The following TPCN2 variants were observed in gnomAD, a reference collection of about 807,000 sequenced individuals.
The protein encoded by TPCN2 is two pore segment channel 2.
Under a neutral mutation model 111.4 loss-of-function variants are expected in TPCN2, and 92 were observed. That is an observed-to-expected ratio of 0.83 (90% CI 0.70 to 0.98). TPCN2 has a LOEUF of 0.98. Ranked by LOEUF, TPCN2 falls within the 50% of genes least tolerant of loss-of-function variation. The probability of loss-of-function intolerance (pLI) is 0.00; values close to 1 mark genes in which losing one functional copy is unlikely to be tolerated. For missense variants in TPCN2, 995 were observed against 980.1 expected (o/e 1.02, Z -0.20); for synonymous variants, 405 against 414.5 (o/e 0.98, Z 0.28).
Position 69,089,450 on chromosome 11 carries a change from C to G in TPCN2, c.*1497C>G, listed in dbSNP as rs1856379625. The G allele has an allele frequency of 6.6e-6, 1 of 152,236 alleles. No individual in the cohort carries two copies. The highest frequency in any genetic ancestry group is 2.1e-4 in the South Asian group (1 of 4,826). The allele number at this position is 152,236 out of a possible 1,614,324, so 9.4% of individuals were successfully genotyped here. On this transcript the variant is annotated 3_prime_UTR_variant, in exon 25 of 25. Transcript: ENST00000294309. ...TTTGTGGTCATGGCGACTTAATCCG[C>G]CTGGACGGTGGCTCCGTCTCCCTGG...
At chr11:69,074,730 A>G (rs1855681271) in intron 13 of TPCN2, among the ~76,000 whole-genome samples, 1 of 152,204 alleles carries the variant, frequency 6.6e-6, no homozygotes, top group South Asian at 2.1e-4. Context: ...TAGCTGTGTA[A>G]CTGAGAGATA....
At chr11:69,078,269 T>A (rs1222389557) in intron 13 of TPCN2, among the ~76,000 whole-genome samples, 1 of 152,164 alleles carries the variant, frequency 6.6e-6, no homozygotes, top group Non-Finnish European at 1.5e-5. Flanking sequence ...GTTGCTTCTA[T>A]TTCTCTTTGG....
At position 69,054,108 on chromosome 11, in the gene TPCN2, C is replaced by G; in HGVS notation, c.174+11C>G. The G allele has an allele frequency of 1.2e-6, 2 of 1,611,824 alleles. No homozygotes were observed. Among genetic ancestry groups the G allele is most frequent in the Admixed American group, 1.7e-5 (1 of 59,996 alleles). On this transcript the variant is annotated intron_variant, in intron 2 of 24. Transcript: ENST00000294309. ...GAAGATGCTATTCAGGTCGGTGGCA[C>G]CTGCTCCCTGTGGCCGGGCCTGGGG...
Position 69,087,941 on chromosome 11 carries a change from G to T in TPCN2, c.2247G>T (p.Trp749Cys). Reference sequence around the variant, plus strand: ...GGCTGAGCCAGCACCCGCACCTGTGGCTGTGCAGGTGACGTCCGGGCTGCC... The same window carrying T: ...GGCTGAGCCAGCACCCGCACCTGTGTCTGTGCAGGTGACGTCCGGGCTGCC... ...TERLSQHPHL[W>C]LCR The change falls in exon 25 of 25, where the codon TGG becomes TGT. Residue 749 changes from tryptophan to cysteine, a missense_variant. Coordinates refer to ENST00000294309, the MANE Select transcript of TPCN2 (RefSeq NM_139075.4). 1 of 1,609,872 alleles carries T rather than the reference G, an allele frequency of 6.2e-7. No individual in the cohort carries two copies. Among genetic ancestry groups the T allele is most frequent in the South Asian group, 1.1e-5 (1 of 90,376 alleles).
intron 1 of TPCN2, among the ~76,000 whole-genome samples, chr11:69,049,794 C>T (rs1254701932): frequency 6.6e-6 from 1 of 152,136 alleles, no homozygotes; most frequent in Non-Finnish European, 1.5e-5. Flanking sequence ...TTGCTGAATC[C>T]GCCCCCCGAG....
chr11:69,076,473 C>T (rs923052631), intron 13 of TPCN2, among the ~76,000 whole-genome samples: 7 of 152,042 alleles, frequency 4.6e-5, no homozygotes, highest in Non-Finnish European at 1.0e-4. Context: ...TCGGACAGAG[C>T]GTGTCCAGAT....
chr11:69,086,277 C>T (rs567112941), intron 22 of TPCN2, among the ~76,000 whole-genome samples: 1 of 152,318 alleles, frequency 6.6e-6, no homozygotes, highest in East Asian at 1.9e-4. Flanking sequence ...AGACTGGCCC[C>T]AGCTGATGGT....
chr11:69,062,815 T>C, intron 5 of TPCN2, 69 bp from the exon 6 acceptor site: 1 of 1,456,054 alleles, frequency 6.9e-7, no homozygotes, highest in East Asian at 2.3e-5. Flanking sequence ...CGTGTGCCCA[T>C]CTGGGATGGT....
chr11:69,049,049 G>A lies in TPCN2; in HGVS notation c.52G>A (p.Gly18Ser). The change falls in exon 1 of 25, where the codon GGT (glycine) becomes AGT (serine). Residue 18 changes from glycine to serine, a missense_variant. Coordinates refer to ENST00000294309, the MANE Select transcript of TPCN2 (RefSeq NM_139075.4). The stretch of plus-strand genomic sequence containing the variant: ...GCCCCTGCTGGGCGGGGCCCGCGGC[G>A]GTGGCGGCGACTGGCCGGCGGGGCT... ...SEPLLGGARG[G>S]GGDWPAGLTT... 9 of 1,242,360 alleles carry A rather than the reference G, an allele frequency of 7.2e-6. No homozygotes were observed. Among genetic ancestry groups the A allele is most frequent in the African/African-American group, 1.5e-5 (1 of 64,566 alleles). 77.0% of individuals were successfully genotyped at this position (1,242,360 alleles called of 1,614,324 possible). A position where few individuals can be genotyped will look rare whatever the true frequency, so the allele number is the denominator to read the frequency against.
Position 69,054,019 on chromosome 11 carries a change from C to T in TPCN2, c.110-14C>T. The T allele has an allele frequency of 6.2e-7, 1 of 1,612,590 alleles. No homozygotes were observed. Among genetic ancestry groups the T allele is most frequent in the Non-Finnish European group, 8.5e-7 (1 of 1,178,904 alleles). The stretch of plus-strand genomic sequence containing the variant: ...ATCCTGCTCGGTCACCTGATGTGTC[C>T]CCTCTGCCTGCAGGTGCCGCGGCCA... On this transcript the variant is annotated splice_polypyrimidine_tract_variant and intron_variant, in intron 1 of 24. Coordinates refer to ENST00000294309, the MANE Select transcript of TPCN2 (RefSeq NM_139075.4).
rs1282775710 is a variant in TPCN2, at chr11:69,084,581, C to G, written c.1761+565C>G. 6 of 985,270 alleles carry G rather than the reference C, an allele frequency of 6.1e-6. No homozygotes were observed. The East Asian group carries it at 6.8e-4, about 112-fold the overall frequency. 61.0% of individuals were successfully genotyped at this position (985,270 alleles called of 1,614,324 possible). On this transcript the variant is annotated intron_variant, in intron 19 of 24. Coordinates refer to ENST00000294309, the MANE Select transcript of TPCN2 (RefSeq NM_139075.4). Reference sequence around the variant, plus strand: ...AGAGGGGCCTGTGACCAGGCAGGCCCCAGATCCGCGCCGTGCAGAGTGACA... The same window carrying G: ...AGAGGGGCCTGTGACCAGGCAGGCCGCAGATCCGCGCCGTGCAGAGTGACA...
rs906489741 is a variant in TPCN2, at chr11:69,071,947, C to T, written c.985C>T (p.Arg329Trp). ...GAAATCTCTCCAGACCTCGCTGTTT[C>T]GGAGGCGGCTGGGAACCCGGGCTGC... is the stretch of plus-strand genomic sequence containing the variant. The part of the protein sequence containing the change: ...LMKSLQTSLF[R>W]RRLGTRAAFE... The change falls in exon 11 of 25, where the codon CGG (arginine) becomes TGG (tryptophan). Residue 329 changes from arginine (R) to tryptophan (W), a missense_variant. Arg to Trp is a moderately radical substitution (Grantham distance 101). Transcript: ENST00000294309. The T allele has an allele frequency of 9.9e-6, 16 of 1,614,024 alleles. No individual in the cohort carries two copies. The highest frequency in any genetic ancestry group is 6.7e-5 in the East Asian group (3 of 44,872).
chr11:69,056,570 G>A (rs1204009263), intron 4 of TPCN2, among the ~76,000 whole-genome samples: 1 of 152,196 alleles, frequency 6.6e-6, no homozygotes, highest in African/African-American at 2.4e-5. Flanking sequence ...GTCTCGCTCT[G>A]TTGCCCAGGC....
At chr11:69,061,791 T>C (rs1248740521) in intron 5 of TPCN2, among the ~76,000 whole-genome samples, 3 of 151,904 alleles carry the variant, frequency 2.0e-5, no homozygotes, top group East Asian at 1.9e-4. Flanking sequence ...TGTGTGATGG[T>C]TGGGGCAGAA....
intron 8 of TPCN2, among the ~76,000 whole-genome samples, chr11:69,069,927 G>A (rs1429536012): frequency 1.3e-5 from 2 of 152,152 alleles, no homozygotes; most frequent in Admixed American, 6.5e-5. Context: ...GAGGGTGTGC[G>A]AGCAGAGGCA....
chr11:69,085,289 G>C lies in TPCN2; in HGVS notation c.1838+3G>C, dbSNP rs1206690820. 1 of 1,611,850 alleles carries C rather than the reference G, an allele frequency of 6.2e-7. No individual in the cohort carries two copies. The highest frequency in any genetic ancestry group is 2.2e-5 in the East Asian group (1 of 44,754). On this transcript the variant is annotated splice_donor_region_variant and intron_variant, in intron 20 of 24. Transcript: ENST00000294309. ...GTGGCTCTTCCTGGAAACAGCAGGT[G>C]AGGTGGGGTCCGAGGTGCCACAGGG...
At position 69,081,519 on chromosome 11, in the gene TPCN2, C is replaced by A. The variant is rs1337161849; in HGVS notation, c.1689+20C>A. 2 of 1,510,000 alleles carry A rather than the reference C, an allele frequency of 1.3e-6. No individual in the cohort carries two copies. The highest frequency in any genetic ancestry group is 1.8e-6 in the Non-Finnish European group (2 of 1,115,750). 93.5% of individuals were successfully genotyped at this position (1,510,000 alleles called of 1,614,324 possible). A position where few individuals can be genotyped will look rare whatever the true frequency, so the allele number is the denominator to read the frequency against. On this transcript the variant is annotated intron_variant, in intron 18 of 24. Transcript: ENST00000294309. ...ATGAAGGTGTGTGCCGGCCCCACCC[C>A]CACTCGCCCCACCCTCCTGGGTCAT...
Position 69,088,033 on chromosome 11 carries a change from ATGCTGTGGC to A in TPCN2, c.*81_*89del. On this transcript the variant is annotated 3_prime_UTR_variant, in exon 25 of 25. Coordinates refer to ENST00000294309, the MANE Select transcript of TPCN2 (RefSeq NM_139075.4). ...GGTGCCCGTCATGGAAGAGGCGGCCATGCTGTGGCCAGCCAGGCAGGAAGAGACCTTTCC... is the reference window on the plus strand; with the variant it reads ...GGTGCCCGTCATGGAAGAGGCGGCCACAGCCAGGCAGGAAGAGACCTTTCC... 7.7e-7 allele frequency: 1 copy of A among 1,291,198 alleles called. No homozygotes were observed. Among genetic ancestry groups the A allele is most frequent in the Non-Finnish European group, 1.1e-6 (1 of 933,064 alleles). 80.0% of individuals were successfully genotyped at this position (1,291,198 alleles called of 1,614,324 possible).
intron 13 of TPCN2, among the ~76,000 whole-genome samples, chr11:69,076,555 G>A (rs114205383): frequency 0.05 from 2,366 of 47,170 alleles, 79 homozygotes; most frequent in African/African-American, 0.11. Flanking sequence ...CTCCTGCTCT[G>A]TCCCTCCACC....
Sources: gnomAD v4.1 joint callset for allele counts (sites outside exome capture counted in the v4.1 genomes callset) on GRCh38, gnomAD v4.1.1 for gene constraint, MANE v1.5 for transcripts, NCBI Gene and HGNC (gene_info 2026-07-23, HGNC 2026-07-21) for gene names.